ETV6: variants seen among roughly 807,000 people sequenced by gnomAD.
The protein encoded by ETV6 is transcription factor ETV6.
A neutral mutation model predicts 51.1 loss-of-function variants in ETV6; 16 were observed. The observed-to-expected ratio is 0.31, with a 90% CI of 0.21 to 0.48. The LOEUF (loss-of-function observed/expected upper bound fraction) is 0.48, where lower values mean the gene tolerates loss of function less well. Among genes scored for constraint, ETV6 ranks in the 20% least tolerant of loss-of-function variants. The pLI is 0.99. For synonymous variants in ETV6, 240 were observed against 224.1 expected (o/e 1.07, Z -0.64); for missense variants, 458 against 594.8 (o/e 0.77, Z 2.39).
At position 11,856,213 on chromosome 12, in the gene ETV6, A is replaced by C. The variant is rs1252838360; in HGVS notation, c.463+2652A>C. ...TACTCTGAGAGCTGCTCGCAAACCA[A>C]GTAAATACAGATGTGCCACCGCATA... On this transcript the variant is annotated intron_variant, in intron 4 of 7. Coordinates refer to ENST00000396373, the MANE Select transcript of ETV6 (RefSeq NM_001987.5). 3.9e-5 allele frequency among the ~76,000 whole-genome samples: 6 copies of C among 152,152 alleles called. No homozygotes were observed. The South Asian group carries it at 1.0e-3, about 26-fold the overall frequency.
intron 7 of ETV6, among the ~76,000 whole-genome samples, chr12:11,890,398 G>T (rs1947268704): frequency 6.6e-6 from 1 of 151,360 alleles, no homozygotes; most frequent in African/African-American, 2.4e-5. Context: ...GATCCCAAAG[G>T]GTGCTCACTA....
In ETV6 at chr12:11,894,591, T is replaced by G. The variant is rs1947363602; in HGVS notation, c.*3545T>G. The G allele has an allele frequency of 1.3e-5, 3 of 233,204 alleles. No individual in the cohort carries two copies. Among genetic ancestry groups the G allele is most frequent in the African/African-American group, 2.2e-5 (1 of 45,362 alleles). 14.4% of individuals were successfully genotyped at this position (233,204 alleles called of 1,614,324 possible). A position where few individuals can be genotyped will look rare whatever the true frequency, so the allele number is the denominator to read the frequency against. On this transcript the variant is annotated 3_prime_UTR_variant, in exon 8 of 8. Coordinates refer to ENST00000396373, the MANE Select transcript of ETV6 (RefSeq NM_001987.5). ...GATCCAATGTCTTTTGATACTGATCTCTTGTCCAAATGAGAATGTCGCTTT... is the reference window on the plus strand; with the variant it reads ...GATCCAATGTCTTTTGATACTGATCGCTTGTCCAAATGAGAATGTCGCTTT...
chr12:11,649,980 CAGA>C lies in ETV6; in HGVS notation c.-147_-145del, dbSNP rs1286939288. On this transcript the variant is annotated 5_prime_UTR_variant, in exon 1 of 8. Coordinates refer to ENST00000396373, the MANE Select transcript of ETV6 (RefSeq NM_001987.5). The stretch of plus-strand genomic sequence containing the variant: ...CCGCCCCGCCCCGCCCCGCGCGCTC[CAGA>C]CCCCCGGGGCGGCTGCCGGGAGAGA... 8 of 704,794 alleles carry C rather than the reference CAGA, an allele frequency of 1.1e-5. No individual in the cohort carries two copies. In the East Asian group the frequency reaches 2.2e-4, roughly 20 times the overall value. 43.7% of individuals were successfully genotyped at this position (704,794 alleles called of 1,614,324 possible). A position where few individuals can be genotyped will look rare whatever the true frequency, so the allele number is the denominator to read the frequency against.
intron 1 of ETV6, among the ~76,000 whole-genome samples, chr12:11,746,336 G>A (rs1199617232): frequency 6.6e-6 from 1 of 152,234 alleles, no homozygotes; most frequent in Non-Finnish European, 1.5e-5. Context: ...CCAAGCTAGT[G>A]ACTGGAACTG....
intron 1 of ETV6, among the ~76,000 whole-genome samples, chr12:11,670,469 T>C (rs1364763210): frequency 1.3e-5 from 2 of 152,264 alleles, no homozygotes; most frequent in Non-Finnish European, 2.9e-5. Flanking sequence ...AAACCTTTAC[T>C]CAAGTAGTTA....
chr12:11,750,385 G>A (rs900230278), intron 1 of ETV6, among the ~76,000 whole-genome samples: 1 of 152,234 alleles, frequency 6.6e-6, no homozygotes, highest in African/African-American at 2.4e-5. Context: ...GCTTGCCTTG[G>A]TGGAGTTGGG....
At chr12:11,651,150 T>C (rs1863898846) in intron 1 of ETV6, among the ~76,000 whole-genome samples, 1 of 152,238 alleles carries the variant, frequency 6.6e-6, no homozygotes, top group Non-Finnish European at 1.5e-5. Context: ...TTCATTTCGC[T>C]GTTCCACCAG....
intron 1 of ETV6, among the ~76,000 whole-genome samples, chr12:11,709,627 A>G (rs982681108): frequency 6.6e-6 from 1 of 152,248 alleles, no homozygotes; most frequent in Non-Finnish European, 1.5e-5. Context: ...GCTCATATGT[A>G]TGATCAGATA....
At chr12:11,761,244 T>C (rs1328416848) in intron 2 of ETV6, among the ~76,000 whole-genome samples, 1 of 152,152 alleles carries the variant, frequency 6.6e-6, no homozygotes, top group Non-Finnish European at 1.5e-5. Flanking sequence ...TTAAGCATAA[T>C]ATAAATTACT....
intron 4 of ETV6, among the ~76,000 whole-genome samples, chr12:11,856,086 C>T (rs1946628903): frequency 1.3e-5 from 2 of 152,142 alleles, no homozygotes; most frequent in Admixed American, 6.5e-5. Flanking sequence ...GGTCTCTCCT[C>T]CTCACAGATC....
chr12:11,817,788 G>T (rs957586377), intron 2 of ETV6, among the ~76,000 whole-genome samples: 1 of 152,130 alleles, frequency 6.6e-6, no homozygotes, highest in Non-Finnish European at 1.5e-5. Flanking sequence ...CTTGCATTCA[G>T]AGCTCACTGC....
intron 1 of ETV6, among the ~76,000 whole-genome samples, chr12:11,685,616 A>G (rs1055838575): frequency 6.6e-6 from 1 of 152,130 alleles, no homozygotes; most frequent in Admixed American, 6.5e-5. Context: ...GTGTGTGTGT[A>G]TTTTCATGTA....
rs7134397 is a variant in ETV6, at chr12:11,850,198, C to T, written c.329-3229C>T. On this transcript the variant is annotated intron_variant, in intron 3 of 7. Coordinates refer to ENST00000396373, the MANE Select transcript of ETV6 (RefSeq NM_001987.5). ...GGCCGAGTCCACTTGACCCGCCCCT[C>T]CCCCTGCTTCCTCCTGCACACTCGG... Among the ~76,000 whole-genome samples the T allele has an allele frequency of 5.1e-3, 769 of 152,268 alleles. 11 individuals are homozygous for T. Among genetic ancestry groups the T allele is most frequent in the African/African-American group, 0.017 (722 of 41,558 alleles).
intron 5 of ETV6, among the ~76,000 whole-genome samples, chr12:11,883,491 C>T (rs1257268245): frequency 3.3e-5 from 5 of 151,608 alleles, no homozygotes; most frequent in East Asian, 1.9e-4. Context: ...GACGGGGTTT[C>T]GCCACGTTGG....
At chr12:11,650,456 A>T (rs1294982721) in intron 1 of ETV6, among the ~76,000 whole-genome samples, 1 of 137,178 alleles carries the variant, frequency 7.3e-6, no homozygotes, top group African/African-American at 2.8e-5. Flanking sequence ...CCAGAACCGT[A>T]AAACACCCCC....
intron 1 of ETV6, among the ~76,000 whole-genome samples, chr12:11,706,483 T>G (rs934959855): frequency 6.6e-6 from 1 of 152,238 alleles, no homozygotes; most frequent in African/African-American, 2.4e-5. Flanking sequence ...ATTTCAGCTT[T>G]TAGAGGCTGC....
chr12:11,872,494 CTTT>C (rs10528272), intron 5 of ETV6, among the ~76,000 whole-genome samples: 1 of 142,648 alleles, frequency 7.0e-6, no homozygotes. Flanking sequence ...AATTATATTA[CTTT>C]TTTTTTTTTT....
intron 2 of ETV6, among the ~76,000 whole-genome samples, chr12:11,786,033 C>T (rs1488098098): frequency 6.6e-6 from 1 of 152,076 alleles, no homozygotes; most frequent in Non-Finnish European, 1.5e-5. Flanking sequence ...GGCCACATAT[C>T]CTGGGAGGAA....
At chr12:11,812,600 C>T (rs1167821018) in intron 2 of ETV6, among the ~76,000 whole-genome samples, 3 of 152,104 alleles carry the variant, frequency 2.0e-5, no homozygotes, top group Admixed American at 6.5e-5. Flanking sequence ...CATCAGACTT[C>T]GGGAGAGGAT....
Sources: allele counts gnomAD v4.1 joint callset (sites outside exome capture counted in the v4.1 genomes callset), GRCh38; gene constraint gnomAD v4.1.1; transcripts MANE v1.5; gene names NCBI Gene and HGNC (gene_info 2026-07-23, HGNC 2026-07-21).